Variants in UQCRC1 observed in about 807,000 individuals in gnomAD.
The protein encoded by UQCRC1 is cytochrome b-c1 complex subunit 1, mitochondrial.
A neutral mutation model predicts 58.0 loss-of-function variants in UQCRC1; 34 were observed. The ratio of observed to expected loss-of-function variants is 0.59; its 90% CI spans 0.45 to 0.78. The LOEUF is 0.78. UQCRC1 is among the 30% of genes least tolerant of loss of function. The probability of loss-of-function intolerance (pLI) is 0.00; values close to 1 mark genes in which losing one functional copy is unlikely to be tolerated. For synonymous variants in UQCRC1, 276 were observed against 248.8 expected, an observed-to-expected ratio of 1.11 and a Z score of -1.03; for missense variants, 610 against 646.0, an observed-to-expected ratio of 0.94 and a Z score of 0.60.
chr3:48,605,598 G>A (rs2046404261), intron 3 of UQCRC1, among the ~76,000 whole-genome samples, 172 bp downstream of exon 3: 2 of 152,110 alleles, frequency 1.3e-5, no homozygotes, highest in African/African-American at 4.8e-5. Flanking sequence ...GGGCTCATCA[G>A]ATACGTGCCC....
chr3:48,601,393 C>A lies in UQCRC1; in HGVS notation c.781G>T (p.Ala261Ser). 3.7e-6 allele frequency: 6 copies of A among 1,614,184 alleles called. No individual in the cohort carries two copies. Among genetic ancestry groups the A allele is most frequent in the Non-Finnish European group, 5.1e-6 (6 of 1,180,034 alleles). Residue 261 changes from alanine to serine, a missense_variant, in exon 7 of 13, where the codon GCT (alanine) becomes TCT (serine). By Grantham distance (99) the Ala-to-Ser change is moderately conservative. Coordinates refer to ENST00000203407, the MANE Select transcript of UQCRC1 (RefSeq NM_003365.3). ...GGIPWTYAED[A>S]VPTLTPCRFT... Reference sequence around the variant, plus strand: ...CGGCATGGAGTAAGAGTGGGCACAGCGTCCTCTGCATATGTCCATGGGATG... The same window carrying A: ...CGGCATGGAGTAAGAGTGGGCACAGAGTCCTCTGCATATGTCCATGGGATG...
chr3:48,601,180 C>G (rs1575512265), intron 7 of UQCRC1, 62 bp from the exon 8 acceptor site: 2 of 1,563,380 alleles, frequency 1.3e-6, no homozygotes, highest in East Asian at 4.5e-5. Flanking sequence ...GAAAAGGTGG[C>G]AGGTGTGGGT....
rs1243999977 is a variant in UQCRC1 at position 48,600,093 on chromosome 3, G to A, written c.1272C>T (p.Ile424=). The change falls in exon 11 of 13, where the codon ATC becomes ATT. Residue 424 remains isoleucine, a synonymous_variant. Coordinates refer to ENST00000203407, the MANE Select transcript of UQCRC1 (RefSeq NM_003365.3). The stretch of plus-strand genomic sequence containing the variant: ...TCCGGCTTTCCCATTCAGCCAGGGG[G>A]ATGCGGCGGCCATAGGTCAGGAGGC... ...GRSLLTYGRR[I]PLAEWESRIA... The A allele has an allele frequency of 4.3e-6, 7 of 1,614,042 alleles. No individual in the cohort carries two copies. The highest frequency in any genetic ancestry group is 1.6e-4 in the Middle Eastern group (1 of 6,084).
At chr3:48,604,975 C>T (rs758039153) in intron 3 of UQCRC1, among the ~76,000 whole-genome samples, 195 bp from the exon 4 acceptor site, 7 of 152,268 alleles carry the variant, frequency 4.6e-5, no homozygotes, top group East Asian at 1.9e-4. Context: ...TGGCATCATG[C>T]GCCAACAGAA....
At chr3:48,607,746 G>A (rs1227616893) in intron 2 of UQCRC1, among the ~76,000 whole-genome samples, 1 of 151,908 alleles carries the variant, frequency 6.6e-6, no homozygotes, top group African/African-American at 2.4e-5. Flanking sequence ...GTCATTACAG[G>A]CACAGAATGC....
chr3:48,609,350 C>T (rs759058564), intron 1 of UQCRC1, 48 bp from the exon 2 acceptor site: 7 of 1,576,590 alleles, frequency 4.4e-6, no homozygotes, highest in Non-Finnish European at 5.2e-6. Flanking sequence ...GGGGATCGCT[C>T]CCCACCTCCC....
At chr3:48,600,443 G>C in intron 10 of UQCRC1, 39 bp downstream of exon 10, 2 of 1,610,674 alleles carry the variant, frequency 1.2e-6, no homozygotes, top group South Asian at 2.2e-5. Flanking sequence ...TCGCTGGCAA[G>C]ATGTACTCTA....
intron 6 of UQCRC1, among the ~76,000 whole-genome samples, chr3:48,603,122 C>T (rs1213747233): frequency 6.6e-6 from 1 of 152,190 alleles, no homozygotes; most frequent in Admixed American, 6.5e-5. Context: ...AAAAGCCCCT[C>T]CCCCAAACTC....
intron 3 of UQCRC1, among the ~76,000 whole-genome samples, chr3:48,605,156 C>T (rs1048991747): frequency 6.6e-6 from 1 of 152,240 alleles, no homozygotes; most frequent in Non-Finnish European, 1.5e-5. Flanking sequence ...ATAGAACCCA[C>T]TCCTCCCATG....
chr3:48,609,605 C>T lies in UQCRC1; in HGVS notation c.16G>A (p.Val6Ile). 1.3e-6 allele frequency: 2 copies of T among 1,568,980 alleles called. No homozygotes were observed. The highest frequency in any genetic ancestry group is 1.7e-6 in the Non-Finnish European group (2 of 1,161,270). MAASV[V>I]CRAATAGAQV... The stretch of plus-strand genomic sequence containing the variant: ...GCCCCGGCGGTAGCGGCCCGACAGA[C>T]CACGGACGCCGCCATCTTCCAGCTG... Residue 6 changes from valine to isoleucine, a missense_variant, in exon 1 of 13, where the codon GTC (valine) becomes ATC (isoleucine). Coordinates refer to ENST00000203407, the MANE Select transcript of UQCRC1 (RefSeq NM_003365.3).
rs563592730 is a variant in UQCRC1 at position 48,606,790 on chromosome 3, G to C, written c.211-934C>G. ...GAAACACGTACCACTCACCCCACTTGGTCACACGGTCTAGTCTTTTAATTT... is the reference window on the plus strand; with the variant it reads ...GAAACACGTACCACTCACCCCACTTCGTCACACGGTCTAGTCTTTTAATTT... On this transcript the variant is annotated intron_variant, in intron 2 of 12. Transcript: ENST00000203407. 8.0e-5 allele frequency among the ~76,000 whole-genome samples: 12 copies of C among 150,030 alleles called. No homozygotes were observed. The East Asian group carries it at 2.3e-3, about 29-fold the overall frequency.
chr3:48,607,970 G>A (rs765974509), intron 2 of UQCRC1, among the ~76,000 whole-genome samples: 2 of 152,164 alleles, frequency 1.3e-5, no homozygotes, highest in African/African-American at 4.8e-5. Flanking sequence ...GATTACAGGC[G>A]TGTGCCATGC....
Position 48,600,984 on chromosome 3 carries a change from A to G in UQCRC1, c.957T>C (p.Gly319=), listed in dbSNP as rs1167722240. 1 of 1,603,846 alleles carries G rather than the reference A, an allele frequency of 6.2e-7. No individual in the cohort carries two copies. Among genetic ancestry groups the G allele is most frequent in the Non-Finnish European group, 8.5e-7 (1 of 1,171,896 alleles). ...TCGCGCTGGCACTCACCACGCCACC[A>G]CCATAAGTGCAGTCATAGTGGCCGA... ...AIIGHYDCTY[G]GGVHLSSPLA... The change falls in exon 8 of 13, where the codon GGT becomes GGC. Residue 319 remains glycine (G), a synonymous_variant. Transcript: ENST00000203407.
In UQCRC1 at chr3:48,600,582, T is replaced by G. The variant is rs760224530; in HGVS notation, c.1128-15A>C. ...ACAGGCGCATCCTAAAGTGGGGGGGTGGGTGGTATTCATTCTGAGCCAGTG... is the reference window on the plus strand; with the variant it reads ...ACAGGCGCATCCTAAAGTGGGGGGGGGGGTGGTATTCATTCTGAGCCAGTG... On this transcript the variant is annotated splice_polypyrimidine_tract_variant and intron_variant, in intron 9 of 12. Coordinates refer to ENST00000203407, the MANE Select transcript of UQCRC1 (RefSeq NM_003365.3). 2.7e-5 allele frequency: 44 copies of G among 1,612,560 alleles called. No individual in the cohort carries two copies. The South Asian group carries it at 3.7e-4, about 14-fold the overall frequency.
chr3:48,608,943 G>A (rs752191629), intron 2 of UQCRC1, among the ~76,000 whole-genome samples: 1 of 152,122 alleles, frequency 6.6e-6, no homozygotes, highest in Non-Finnish European at 1.5e-5. Flanking sequence ...CCTACTTAAC[G>A]GGCATTATAT....
At chr3:48,599,232 C>A (rs375348525) in intron 12 of UQCRC1, 40 bp from the exon 13 acceptor site, 9 of 1,562,102 alleles carry the variant, frequency 5.8e-6, no homozygotes, top group Admixed American at 3.6e-5. Context: ...GGGTACCTGG[C>A]CTGCACAGGG....
chr3:48,609,282 T>C lies in UQCRC1; in HGVS notation c.90A>G (p.Pro30=). 3.7e-6 allele frequency: 6 copies of C among 1,610,176 alleles called. No individual in the cohort carries two copies. The highest frequency in any genetic ancestry group is 5.1e-6 in the Non-Finnish European group (6 of 1,177,782). ...CGAAGGTTGCCGTACTCCGCAAGGC[T>C]GGCGTCCGCAGCAGGGCCGGCTGTG... ...ARRSPALLRT[P]ALRSTATFAQ... The change falls in exon 2 of 13, where the codon CCA becomes CCG. Residue 30 remains proline, a synonymous_variant. Transcript: ENST00000203407.
At chr3:48,609,097 C>T (rs1426231471) in intron 2 of UQCRC1, 65 bp downstream of exon 2, 25 of 1,554,692 alleles carry the variant, frequency 1.6e-5, no homozygotes, top group Non-Finnish European at 2.2e-5. Context: ...AGGTCACACC[C>T]CAACCAGGGA....
chr3:48,603,231 T>C (rs537869429), intron 6 of UQCRC1, among the ~76,000 whole-genome samples: 1 of 152,288 alleles, frequency 6.6e-6, no homozygotes, highest in African/African-American at 2.4e-5. Flanking sequence ...ACACAACTAA[T>C]GGCTGGCTCT....
Sources: allele counts gnomAD v4.1 joint callset (sites outside exome capture counted in the v4.1 genomes callset), GRCh38; gene constraint gnomAD v4.1.1; transcripts MANE v1.5; gene names NCBI Gene and HGNC (gene_info 2026-07-23, HGNC 2026-07-21).